KIAA1549L: variants seen among roughly 807,000 people sequenced by gnomAD.
KIAA1549L encodes the protein UPF0606 protein KIAA1549L.
Under a neutral mutation model 160.7 loss-of-function variants are expected in KIAA1549L, and 88 were observed. The observed-to-expected ratio is 0.55, with a 90% CI of 0.46 to 0.65. The LOEUF (loss-of-function observed/expected upper bound fraction) is 0.65. Among genes scored for constraint, KIAA1549L ranks in the 30% least tolerant of loss-of-function variants. The pLI is 0.00. For synonymous variants in KIAA1549L, 950 were observed against 976.7 expected (o/e 0.97, Z 0.51); for missense variants, 2,258 against 2,437.5 (o/e 0.93, Z 1.55).
chr11:33,383,090 G>C (rs1021990948), intron 1 of KIAA1549L, among the ~76,000 whole-genome samples: 1 of 151,942 alleles, frequency 6.6e-6, no homozygotes, highest in Non-Finnish European at 1.5e-5. Flanking sequence ...CCGTCAAACT[G>C]ACCACCACCA....
chr11:33,387,415 C>T (rs529775980), intron 1 of KIAA1549L, among the ~76,000 whole-genome samples: 14 of 152,242 alleles, frequency 9.2e-5, no homozygotes, highest in African/African-American at 3.4e-4. Flanking sequence ...AAGCAATTCT[C>T]CTGCCTCAGC....
At chr11:33,483,543 A>T (rs2133052517) in intron 1 of KIAA1549L, among the ~76,000 whole-genome samples, 1 of 152,264 alleles carries the variant, frequency 6.6e-6, no homozygotes, top group South Asian at 2.1e-4. Flanking sequence ...CAAGGCAGGC[A>T]TATGTTTGCT....
rs572438436 is a variant in KIAA1549L, at chr11:33,622,280, T to C, written c.5409+3618T>C. Among the ~76,000 whole-genome samples the C allele has an allele frequency of 2.6e-5, 4 of 152,138 alleles. No homozygotes were observed. In the East Asian group the frequency reaches 7.7e-4, roughly 29 times the overall value. On this transcript the variant is annotated intron_variant, in intron 16 of 20. Coordinates refer to ENST00000658780, the MANE Select transcript of KIAA1549L (RefSeq NM_012194.3). ...AGCTGTTTAAAACAGACCCAAAAAA[T>C]GACTATTAGGAATTAGGCGCTCACA...
intron 16 of KIAA1549L, among the ~76,000 whole-genome samples, chr11:33,630,131 G>T (rs895216587): frequency 2.0e-5 from 3 of 151,848 alleles, no homozygotes; most frequent in African/African-American, 7.3e-5. Context: ...GAGGCAGTCT[G>T]CCCGTTCTCA....
At chr11:33,443,188 C>T (rs1851544020) in intron 1 of KIAA1549L, among the ~76,000 whole-genome samples, 1 of 152,088 alleles carries the variant, frequency 6.6e-6, no homozygotes, top group African/African-American at 2.4e-5. Flanking sequence ...TTTAAAGAGA[C>T]AGGGTCTTGT....
chr11:33,387,183 A>G (rs1234233727), intron 1 of KIAA1549L, among the ~76,000 whole-genome samples: 1 of 152,244 alleles, frequency 6.6e-6, no homozygotes, highest in Admixed American at 6.5e-5. Flanking sequence ...GTGTTTGTGC[A>G]GAACAATTTC....
At chr11:33,402,683 A>C (rs1850527142) in intron 1 of KIAA1549L, among the ~76,000 whole-genome samples, 1 of 152,190 alleles carries the variant, frequency 6.6e-6, no homozygotes, top group Non-Finnish European at 1.5e-5. Context: ...TTTCTGGCTT[A>C]TCTTTGAAAA....
intron 16 of KIAA1549L, 76 bp downstream of exon 16, chr11:33,618,738 GT>G: frequency 7.8e-7 from 1 of 1,288,484 alleles, no homozygotes; most frequent in Non-Finnish European, 1.0e-6. Flanking sequence ...ATCCCACTGT[GT>G]TTTGGTTTAC....
chr11:33,469,172 C>T (rs1204612668), intron 1 of KIAA1549L, among the ~76,000 whole-genome samples: 10 of 152,076 alleles, frequency 6.6e-5, no homozygotes, highest in African/African-American at 2.2e-4. Context: ...AAACAAACCC[C>T]GTTATCTATT....
chr11:33,583,127 T>C (rs565569393), intron 10 of KIAA1549L, among the ~76,000 whole-genome samples: 1 of 152,250 alleles, frequency 6.6e-6, no homozygotes, highest in South Asian at 2.1e-4. Context: ...GACAGCCCAT[T>C]TTACAGATGA....
intron 1 of KIAA1549L, among the ~76,000 whole-genome samples, chr11:33,385,280 A>G (rs764652743): frequency 3.7e-4 from 57 of 152,174 alleles, no homozygotes; most frequent in Non-Finnish European, 6.8e-4. Context: ...AGTCTGTTCT[A>G]TTGTACTTCT....
intron 5 of KIAA1549L, 75 bp downstream of exon 5, chr11:33,551,334 A>C: frequency 1.6e-6 from 2 of 1,241,804 alleles, no homozygotes; most frequent in Non-Finnish European, 2.3e-6. Flanking sequence ...ACCTGTTTAA[A>C]AGCTCCATTG....
chr11:33,612,664 C>A (rs1850678425), intron 15 of KIAA1549L, among the ~76,000 whole-genome samples: 1 of 149,062 alleles, frequency 6.7e-6, no homozygotes, highest in Non-Finnish European at 1.5e-5. Flanking sequence ...TATCGATAAA[C>A]TTCTGTCATG....
At chr11:33,653,523 C>G (rs1343960947) in intron 17 of KIAA1549L, among the ~76,000 whole-genome samples, 2 of 152,186 alleles carry the variant, frequency 1.3e-5, no homozygotes, top group East Asian at 3.8e-4. Context: ...TTTTGGGCTG[C>G]TTTTAAGATC....
intron 17 of KIAA1549L, 45 bp from the exon 18 acceptor site, chr11:33,655,967 C>T (rs2133432624): frequency 7.3e-7 from 1 of 1,368,020 alleles, no homozygotes; most frequent in Non-Finnish European, 1.0e-6. Context: ...GCTGATCGAC[C>T]CTGGGTGTTA....
At chr11:33,456,874 T>C (rs926615502) in intron 1 of KIAA1549L, among the ~76,000 whole-genome samples, 7 of 152,228 alleles carry the variant, frequency 4.6e-5, no homozygotes, top group Admixed American at 4.6e-4. Flanking sequence ...CTCCCCATCA[T>C]CTGCTCAGGC....
intron 1 of KIAA1549L, among the ~76,000 whole-genome samples, chr11:33,379,729 A>G (rs1850035527): frequency 6.6e-6 from 1 of 152,188 alleles, no homozygotes; most frequent in African/African-American, 2.4e-5. Flanking sequence ...AATAGTTCCA[A>G]TCTCATTGGG....
chr11:33,428,154 T>C (rs1241577014), intron 1 of KIAA1549L, among the ~76,000 whole-genome samples: 2 of 152,256 alleles, frequency 1.3e-5, no homozygotes, highest in African/African-American at 4.8e-5. Flanking sequence ...TGCTGGGTCA[T>C]ATGGTAGTTC....
At position 33,542,915 on chromosome 11, in the gene KIAA1549L, C is replaced by T. The variant is rs779594300; in HGVS notation, c.1352C>T (p.Ser451Leu). ...ANDSANPLHL[S>L]AAPENSRGPA... ...GACTCTGCTAACCCGCTGCATTTGT[C>T]AGCAGCTCCAGAGAATTCCAGAGGG... Residue 451 changes from serine to leucine, a missense_variant, in exon 2 of 21, where the codon TCA (serine) becomes TTA (leucine). Around this residue, in one of 6 missense-constraint regions of KIAA1549L, gnomAD observed 540 missense variants for 465.7 expected, o/e 1.16. Transcript: ENST00000658780. The T allele has an allele frequency of 6.6e-5, 106 of 1,613,944 alleles. No individual in the cohort carries two copies. Among genetic ancestry groups the T allele is most frequent in the Non-Finnish European group, 8.7e-5 (103 of 1,179,910 alleles).
Sources: allele counts gnomAD v4.1 joint callset (sites outside exome capture counted in the v4.1 genomes callset), GRCh38; gene constraint gnomAD v4.1.1; regional missense constraint gnomAD v4.1.1; transcripts MANE v1.5; gene names NCBI Gene and HGNC (gene_info 2026-07-23, HGNC 2026-07-21).